CSNK1A1: variants seen among roughly 807,000 people sequenced by gnomAD.
The protein encoded by CSNK1A1 is casein kinase I isoform alpha.
In CSNK1A1, 7 loss-of-function variants were observed where a neutral mutation model predicts 46.1. That is an observed-to-expected ratio of 0.15 (90% confidence interval 0.09 to 0.29). The LOEUF (loss-of-function observed/expected upper bound fraction) is 0.29, where lower values mean the gene tolerates loss of function less well. Among genes scored for constraint, CSNK1A1 ranks in the 10% least tolerant of loss-of-function variants. The pLI is 1.00. For missense variants in CSNK1A1, 96 were observed against 417.1 expected, an observed-to-expected ratio of 0.23 and a Z score of 6.71; for synonymous variants, 137 against 141.5, an observed-to-expected ratio of 0.97 and a Z score of 0.23.
intron 2 of CSNK1A1, among the ~76,000 whole-genome samples, chr5:149,533,320 C>T (rs1331991069): frequency 1.3e-5 from 2 of 151,898 alleles, no homozygotes; most frequent in Admixed American, 6.6e-5. Flanking sequence ...GAGAAGAGTG[C>T]TATTGTGGGG....
At chr5:149,548,879 A>G (rs1762567602) in intron 2 of CSNK1A1, among the ~76,000 whole-genome samples, 1 of 152,220 alleles carries the variant, frequency 6.6e-6, no homozygotes, top group African/African-American at 2.4e-5. Flanking sequence ...AGTAAACAGT[A>G]AGTACCATTC....
intron 7 of CSNK1A1, 27 bp downstream of exon 7, chr5:149,509,852 T>C: frequency 6.4e-7 from 1 of 1,563,048 alleles, no homozygotes; most frequent in East Asian, 2.3e-5. Context: ...CATTTATATT[T>C]TTTTAATATT....
chr5:149,522,866 G>A (rs1761613441), intron 3 of CSNK1A1, among the ~76,000 whole-genome samples: 1 of 152,050 alleles, frequency 6.6e-6, no homozygotes, highest in South Asian at 2.1e-4. Context: ...TTTCTTTCTA[G>A]AGGGAAGAGA....
intron 2 of CSNK1A1, among the ~76,000 whole-genome samples, chr5:149,541,073 G>C (rs1040679283): frequency 4.0e-5 from 6 of 151,466 alleles, no homozygotes; most frequent in Non-Finnish European, 7.4e-5. Flanking sequence ...GAGCAAGACT[G>C]CATCTCAAAA....
chr5:149,511,870 C>A lies in CSNK1A1; in HGVS notation c.599G>T (p.Arg200Leu). 6.2e-7 allele frequency: 1 copy of A among 1,601,090 alleles called. No homozygotes were observed. The highest frequency in any genetic ancestry group is 1.1e-5 in the South Asian group (1 of 87,910). Reference protein sequence around the residue: ...INAHLGIEQSRRDDMESLGYV... With the variant: ...INAHLGIEQSLRDDMESLGYV... ...TCCTAATGATTCCATGTCATCTCGG[C>A]GACTAGAAAAGAGAACGTAATTTTA... Residue 200 changes from arginine to leucine, a missense_variant and splice_region_variant, in exon 6 of 10, where the codon CGC becomes CTC. Physicochemically the swap from Arg to Leu is moderately radical, Grantham distance 102 (BLOSUM62 -2). Transcript: ENST00000377843.
chr5:149,516,385 A>G (rs532152529), intron 4 of CSNK1A1, among the ~76,000 whole-genome samples: 27 of 152,128 alleles, frequency 1.8e-4, no homozygotes, highest in African/African-American at 6.5e-4. Context: ...CAAAAAAAGT[A>G]GGGGGATAAT....
chr5:149,547,786 C>T (rs1051354557), intron 2 of CSNK1A1, among the ~76,000 whole-genome samples: 2 of 151,760 alleles, frequency 1.3e-5, no homozygotes, highest in African/African-American at 4.8e-5. Context: ...TTTACTTGCT[C>T]ATTTACAACC....
At chr5:149,503,960 T>A (rs1760951824) in intron 9 of CSNK1A1, 25 of 985,344 alleles carry the variant, frequency 2.5e-5, no homozygotes, top group Non-Finnish European at 3.0e-5. Flanking sequence ...CTATAGGTTG[T>A]CAGGTGTAAC....
intron 2 of CSNK1A1, among the ~76,000 whole-genome samples, chr5:149,539,994 C>G (rs1482421339): frequency 1.3e-5 from 2 of 152,090 alleles, no homozygotes; most frequent in Non-Finnish European, 2.9e-5. Flanking sequence ...CTGAATTCAA[C>G]CAATTATTCC....
intron 2 of CSNK1A1, among the ~76,000 whole-genome samples, chr5:149,548,150 C>T (rs1047621709): frequency 6.6e-6 from 1 of 152,030 alleles, no homozygotes; most frequent in African/African-American, 2.4e-5. Flanking sequence ...GGATTACAGG[C>T]GTGAGCCACC....
In CSNK1A1 at chr5:149,537,250, C is replaced by T. The variant is rs557677840; in HGVS notation, c.231-12079G>A. Among the ~76,000 whole-genome samples the T allele has an allele frequency of 2.0e-5, 3 of 152,122 alleles. No individual in the cohort carries two copies. The East Asian group carries it at 5.8e-4, about 29-fold the overall frequency. On this transcript the variant is annotated intron_variant, in intron 2 of 9. Transcript: ENST00000377843. ...AATTAGCCGGGTGCAGTAGTGGGCG[C>T]CTGTAATCCCAGCTACTCAGGGAGC... is the stretch of plus-strand genomic sequence containing the variant.
rs374034090 is a variant in CSNK1A1 at position 149,532,404 on chromosome 5, G to A, written c.231-7233C>T. On this transcript the variant is annotated intron_variant, in intron 2 of 9. Coordinates refer to ENST00000377843, the MANE Select transcript of CSNK1A1 (RefSeq NM_001892.6). ...TAGTCTAAAAAAAAAAAAAATCTGC[G>A]ATTTCTAGCTGGGTGCAGTGGCTCA... 1.4e-3 allele frequency among the ~76,000 whole-genome samples: 216 copies of A among 151,718 alleles called. 2 individuals are homozygous for A. In the Middle Eastern group the frequency reaches 0.02, roughly 14 times the overall value.
Position 149,550,248 on chromosome 5 carries a change from G to A in CSNK1A1, c.124-67C>T, listed in dbSNP as rs1762612670. ...GATTCAATGTCACTTAGGAAAGGAGGGAGACATTAGCAAAACTCCAAGTCG... is the reference window on the plus strand; with the variant it reads ...GATTCAATGTCACTTAGGAAAGGAGAGAGACATTAGCAAAACTCCAAGTCG... On this transcript the variant is annotated intron_variant, in intron 1 of 9. Coordinates refer to ENST00000377843, the MANE Select transcript of CSNK1A1 (RefSeq NM_001892.6). This position sits in a 1 kb window ranked among gnomAD's most constrained non-coding sequence, Gnocchi z 4.3. The A allele has an allele frequency of 3.2e-6, 5 of 1,563,810 alleles. No individual in the cohort carries two copies. The highest frequency in any genetic ancestry group is 3.8e-5 in the Admixed American group (2 of 52,254).
intron 9 of CSNK1A1, chr5:149,504,062 T>C: frequency 1.0e-6 from 1 of 985,466 alleles, no homozygotes; most frequent in Non-Finnish European, 1.2e-6. Flanking sequence ...TATGAACTTC[T>C]TGGCACTATG....
At chr5:149,548,018 G>A (rs1430263026) in intron 2 of CSNK1A1, among the ~76,000 whole-genome samples, 3 of 151,904 alleles carry the variant, frequency 2.0e-5, no homozygotes, top group Non-Finnish European at 2.9e-5. Flanking sequence ...TTACAGGCAC[G>A]TGCCACCATG....
intron 2 of CSNK1A1, chr5:149,549,291 C>T: frequency 1.8e-6 from 1 of 556,484 alleles, no homozygotes; most frequent in Non-Finnish European, 3.3e-6. Context: ...AAATTTAGTC[C>T]CGACTGAAAC....
chr5:149,535,256 T>G (rs1362062734), intron 2 of CSNK1A1, among the ~76,000 whole-genome samples: 1 of 152,228 alleles, frequency 6.6e-6, no homozygotes, highest in Non-Finnish European at 1.5e-5. Flanking sequence ...AGTCCTCACC[T>G]CTCAATTTAC....
intron 7 of CSNK1A1, among the ~76,000 whole-genome samples, chr5:149,509,151 C>G (rs569088545): frequency 7.2e-5 from 11 of 152,084 alleles, no homozygotes; most frequent in Non-Finnish European, 1.6e-4. Flanking sequence ...TCTGGAACTC[C>G]CGGGCTCAAG....
chr5:149,537,135 GGAGGCT>G (rs772614243), intron 2 of CSNK1A1, among the ~76,000 whole-genome samples: 52 of 152,262 alleles, frequency 3.4e-4, no homozygotes, highest in South Asian at 1.0e-3. Flanking sequence ...CAGTACTTTG[GGAGGCT>G]GAGGCAGGTG....
Sources: allele counts gnomAD v4.1 joint callset (sites outside exome capture counted in the v4.1 genomes callset), GRCh38; gene constraint gnomAD v4.1.1; non-coding constraint Gnocchi (gnomAD v3.1); transcripts MANE v1.5; gene names NCBI Gene and HGNC (gene_info 2026-07-23, HGNC 2026-07-21).